FGFR2: variants seen among roughly 807,000 people sequenced by gnomAD.
The protein encoded by FGFR2 is fibroblast growth factor receptor 2.
Under a neutral mutation model 95.9 loss-of-function variants are expected in FGFR2, and 19 were observed. That is an observed-to-expected ratio of 0.20 (90% CI 0.14 to 0.29). The LOEUF (loss-of-function observed/expected upper bound fraction) is 0.29, where lower values mean the gene tolerates loss of function less well. FGFR2 is among the 10% of genes least tolerant of loss of function. The pLI, the probability that FGFR2 is intolerant of heterozygous loss-of-function variation, is 1.00. For missense variants in FGFR2, 707 were observed against 1,056.9 expected, an observed-to-expected ratio of 0.67 and a Z score of 4.59; for synonymous variants, 392 against 393.3, an observed-to-expected ratio of 1.00 and a Z score of 0.04.
intron 4 of FGFR2, among the ~76,000 whole-genome samples, chr10:121,562,680 G>A (rs1175796541): frequency 6.6e-6 from 1 of 152,152 alleles, no homozygotes; most frequent in African/African-American, 2.4e-5. Flanking sequence ...ATCAAGCCAT[G>A]AAAAGACATG....
At chr10:121,580,097 A>G (rs1316131301) in intron 2 of FGFR2, among the ~76,000 whole-genome samples, 1 of 152,204 alleles carries the variant, frequency 6.6e-6, no homozygotes, top group Non-Finnish European at 1.5e-5. Flanking sequence ...AAGCCCATAG[A>G]GCAGGCCCTC....
At chr10:121,586,520 A>G (rs1368835335) in intron 2 of FGFR2, among the ~76,000 whole-genome samples, 1 of 152,244 alleles carries the variant, frequency 6.6e-6, no homozygotes, top group Non-Finnish European at 1.5e-5. Flanking sequence ...TGAGAGTGGC[A>G]TGATGTGGCC....
At position 121,593,984 on chromosome 10, in the gene FGFR2, G is replaced by A. The variant is rs963179588; in HGVS notation, c.-150-17C>T. ...CTGCAGTCACTAAAGGAAAGAGATT[G>A]GCGAGTCAGGGAATCTTCCCCAATG... On this transcript the variant is annotated splice_polypyrimidine_tract_variant and intron_variant, in intron 1 of 17. Coordinates refer to ENST00000358487, the MANE Select transcript of FGFR2 (RefSeq NM_000141.5). The A allele has an allele frequency of 4.2e-6, 3 of 708,162 alleles. No individual in the cohort carries two copies. The highest frequency in any genetic ancestry group is 7.7e-6 in the Non-Finnish European group (3 of 391,296). The allele number at this position is 708,162 out of a possible 1,614,324, so 43.9% of individuals were successfully genotyped here.
chr10:121,534,823 C>A (rs1852601904), intron 6 of FGFR2, among the ~76,000 whole-genome samples: 1 of 152,174 alleles, frequency 6.6e-6, no homozygotes. Context: ...TGCTGGCCAC[C>A]TACCTGCCAG....
intron 1 of FGFR2, among the ~76,000 whole-genome samples, chr10:121,594,813 A>C (rs762576166): frequency 2.6e-5 from 4 of 152,216 alleles, no homozygotes; most frequent in Non-Finnish European, 5.9e-5. Flanking sequence ...ATTAATAATG[A>C]TGATGTAAAT....
intron 4 of FGFR2, among the ~76,000 whole-genome samples, chr10:121,561,885 T>A (rs1857036260): frequency 6.6e-6 from 1 of 152,238 alleles, no homozygotes; most frequent in Non-Finnish European, 1.5e-5. Flanking sequence ...GCCAACGGCC[T>A]TAACAGACAT....
intron 9 of FGFR2, among the ~76,000 whole-genome samples, chr10:121,507,367 C>A (rs1393843224): frequency 6.6e-6 from 1 of 152,202 alleles, no homozygotes; most frequent in East Asian, 1.9e-4. Context: ...GTGGGCAGAT[C>A]TTCTGAGGTC....
chr10:121,513,192 GA>G (rs1402748552), intron 9 of FGFR2, among the ~76,000 whole-genome samples: 1 of 152,192 alleles, frequency 6.6e-6, no homozygotes, highest in East Asian at 1.9e-4. Flanking sequence ...TTCTCTTAAA[GA>G]AAAAATATAA....
chr10:121,485,050 G>A lies in FGFR2; in HGVS notation c.2195+345C>T, dbSNP rs2133787527. Among the ~76,000 whole-genome samples the A allele has an allele frequency of 6.6e-6, 1 of 152,220 alleles. No homozygotes were observed. The highest frequency in any genetic ancestry group is 3.4e-3 in the Middle Eastern group (1 of 294). ...CTTTCTAGCTTGTTTCCTGACCCGTGGGTCTTCCTGTCACTCCACGGGAGA... is the reference window on the plus strand; with the variant it reads ...CTTTCTAGCTTGTTTCCTGACCCGTAGGTCTTCCTGTCACTCCACGGGAGA... On this transcript the variant is annotated intron_variant, in intron 16 of 17. Coordinates refer to ENST00000358487, the MANE Select transcript of FGFR2 (RefSeq NM_000141.5). The surrounding 1 kb of genome is among the most constrained non-coding windows in gnomAD (Gnocchi z 4.2).
At chr10:121,560,615 CAAAAA>C (rs34753296) in intron 4 of FGFR2, among the ~76,000 whole-genome samples, 51 of 51,806 alleles carry the variant, frequency 9.8e-4, no homozygotes, top group Admixed American at 2.0e-3. Context: ...ACTCCGTCCC[CAAAAA>C]AAAAAAAAAA....
intron 2 of FGFR2, among the ~76,000 whole-genome samples, chr10:121,572,635 CAAAT>C (rs1274395701): frequency 1.3e-5 from 2 of 151,966 alleles, no homozygotes; most frequent in African/African-American, 4.8e-5. Context: ...AAAAAAAACA[CAAAT>C]AAATAAATAG....
chr10:121,524,808 A>G (rs1184314309), intron 6 of FGFR2, among the ~76,000 whole-genome samples: 1 of 152,168 alleles, frequency 6.6e-6, no homozygotes, highest in Non-Finnish European at 1.5e-5. Context: ...TGACCCAAAG[A>G]GCTCATGTGT....
At chr10:121,523,302 C>T (rs999758698) in intron 6 of FGFR2, among the ~76,000 whole-genome samples, 9 of 152,148 alleles carry the variant, frequency 5.9e-5, no homozygotes, top group African/African-American at 1.2e-4. Flanking sequence ...CCCCTTCAGA[C>T]GTCAGGTGAA....
In FGFR2 at chr10:121,593,851, T is replaced by C; in HGVS notation, c.-34A>G. On this transcript the variant is annotated 5_prime_UTR_variant, in exon 2 of 18. Transcript: ENST00000358487. ...TACCAATCCCCGGTCCTCTTCCATA[T>C]CTCCATGTGGACGTTAATCCCATCT... 1.3e-6 allele frequency: 2 copies of C among 1,583,156 alleles called. No homozygotes were observed. Among genetic ancestry groups the C allele is most frequent in the Non-Finnish European group, 1.7e-6 (2 of 1,151,808 alleles).
rs553360424 is a variant in FGFR2 at position 121,597,041 on chromosome 10, G to C, written c.-151+921C>G. ...CATAATGGGTGCCCTGAGTTTGAAAGCAGGTTTGCCTTTAAGGGTAGGTTT... is the reference window on the plus strand; with the variant it reads ...CATAATGGGTGCCCTGAGTTTGAAACCAGGTTTGCCTTTAAGGGTAGGTTT... On this transcript the variant is annotated intron_variant, in intron 1 of 17. Transcript: ENST00000358487. Among the ~76,000 whole-genome samples the C allele has an allele frequency of 4.6e-5, 7 of 152,332 alleles. No homozygotes were observed. In the South Asian group the frequency reaches 1.5e-3, roughly 32 times the overall value.
chr10:121,574,733 C>CAGA (rs1859435009), intron 2 of FGFR2, among the ~76,000 whole-genome samples: 1 of 152,076 alleles, frequency 6.6e-6, no homozygotes, highest in Non-Finnish European at 1.5e-5. Context: ...TCACATCAAA[C>CAGA]AGAGACCTTA....
intron 6 of FGFR2, among the ~76,000 whole-genome samples, chr10:121,524,144 ACAC>A (rs1440352179): frequency 7.7e-6 from 1 of 129,168 alleles, no homozygotes; most frequent in Admixed American, 7.7e-5. Flanking sequence ...ACACACACAC[ACAC>A]CCCAAGTTTG....
At chr10:121,487,888 C>A (rs2133830988) in intron 14 of FGFR2, 103 bp downstream of exon 14, 3 of 1,455,218 alleles carry the variant, frequency 2.1e-6, no homozygotes, top group African/African-American at 1.4e-5. Flanking sequence ...GGGAATGGGT[C>A]CCCAGCCATC....
At position 121,518,597 on chromosome 10, in the gene FGFR2, C is replaced by T. The variant is rs1850018795; in HGVS notation, c.940-1134G>A. 6.6e-7 allele frequency: 1 copy of T among 1,504,204 alleles called. No individual in the cohort carries two copies. The highest frequency in any genetic ancestry group is 9.2e-7 in the Non-Finnish European group (1 of 1,088,108). 93.2% of individuals were successfully genotyped at this position (1,504,204 alleles called of 1,614,324 possible). ...CCACAAGAGTTATCCTATAAGCTGCCTGCAGTCTCCCAAAGCACCAAGTCT... is the reference window on the plus strand; with the variant it reads ...CCACAAGAGTTATCCTATAAGCTGCTTGCAGTCTCCCAAAGCACCAAGTCT... On this transcript the variant is annotated intron_variant, in intron 7 of 17. Transcript: ENST00000358487. The surrounding 1 kb of genome is among the most constrained non-coding windows in gnomAD (Gnocchi z 4.0).
Sources: gnomAD v4.1 joint callset for allele counts (sites outside exome capture counted in the v4.1 genomes callset) on GRCh38, gnomAD v4.1.1 for gene constraint, Gnocchi (gnomAD v3.1) non-coding constraint, MANE v1.5 for transcripts, NCBI Gene and HGNC (gene_info 2026-07-23, HGNC 2026-07-21) for gene names.